Variants in CHD9 observed in about 807,000 individuals in gnomAD.
CHD9 encodes chromodomain helicase DNA binding protein 9.
CHD9 carries 77 observed loss-of-function variants against 316.1 expected under a neutral mutation model. The observed-to-expected ratio is 0.24, with a 90% CI of 0.20 to 0.29. The LOEUF (loss-of-function observed/expected upper bound fraction) is 0.29. Among genes scored for constraint, CHD9 ranks in the 10% least tolerant of loss-of-function variants. The pLI, the probability that CHD9 is intolerant of heterozygous loss-of-function variation, is 1.00. For missense variants in CHD9, 2,763 were observed against 3,438.1 expected, an observed-to-expected ratio of 0.80 and a Z score of 4.91; for synonymous variants, 1,129 against 1,158.3, an observed-to-expected ratio of 0.97 and a Z score of 0.51.
intron 1 of CHD9, among the ~76,000 whole-genome samples, chr16:53,136,518 A>T (rs1156929575): frequency 6.6e-6 from 1 of 151,550 alleles, no homozygotes; most frequent in African/African-American, 2.4e-5. Context: ...AGTCACTAAA[A>T]TTTTTTTCTT....
chr16:53,279,507 T>C (rs2153029048), intron 24 of CHD9, among the ~76,000 whole-genome samples: 1 of 152,258 alleles, frequency 6.6e-6, no homozygotes, highest in Admixed American at 6.5e-5. Flanking sequence ...ACTTGAAGTA[T>C]AATAATAAAA....
At chr16:53,115,479 T>C (rs1259159078) in intron 1 of CHD9, among the ~76,000 whole-genome samples, 1 of 152,284 alleles carries the variant, frequency 6.6e-6, no homozygotes, top group East Asian at 1.9e-4. Context: ...TATTAGGTTC[T>C]ATTATTTTGC....
chr16:53,323,988 A>G (rs1598032740), intron 38 of CHD9, 32 bp from the exon 39 acceptor site: 1 of 1,521,414 alleles, frequency 6.6e-7, no homozygotes, highest in East Asian at 2.3e-5. Flanking sequence ...ATTTTCATGT[A>G]GGGATTATTA....
At chr16:53,104,084 C>A (rs1307344144) in intron 1 of CHD9, among the ~76,000 whole-genome samples, 1 of 152,200 alleles carries the variant, frequency 6.6e-6, no homozygotes, top group African/African-American at 2.4e-5. Flanking sequence ...CTCCTCTTCC[C>A]TGGAGTTGGC....
intron 1 of CHD9, among the ~76,000 whole-genome samples, chr16:53,059,512 C>T (rs990334718): frequency 6.6e-6 from 1 of 152,140 alleles, no homozygotes; most frequent in South Asian, 2.1e-4. Context: ...ATGAATTCCT[C>T]TGTGAAAGAG....
At chr16:53,145,214 C>T (rs1226676534) in intron 1 of CHD9, among the ~76,000 whole-genome samples, 2 of 150,718 alleles carry the variant, frequency 1.3e-5, no homozygotes, top group African/African-American at 4.9e-5. Flanking sequence ...TGCAGTGGTG[C>T]GATCTCAGCT....
chr16:53,103,580 T>C (rs1440906407), intron 1 of CHD9, among the ~76,000 whole-genome samples: 1 of 152,194 alleles, frequency 6.6e-6, no homozygotes, highest in African/African-American at 2.4e-5. Context: ...CATTTTGCAG[T>C]GAGCAAACTG....
intron 37 of CHD9, chr16:53,321,129 T>C: frequency 1.3e-6 from 1 of 742,504 alleles, no homozygotes; most frequent in Non-Finnish European, 2.0e-6. Context: ...TAAAACCCTA[T>C]GAGGGAAGTA....
At chr16:53,110,276 G>A (rs2037760833) in intron 1 of CHD9, among the ~76,000 whole-genome samples, 1 of 152,106 alleles carries the variant, frequency 6.6e-6, no homozygotes, top group Non-Finnish European at 1.5e-5. Flanking sequence ...TTCAAACGAT[G>A]AGGTGAATGC....
intron 1 of CHD9, among the ~76,000 whole-genome samples, chr16:53,130,333 G>A (rs1027013327): frequency 6.6e-6 from 1 of 152,324 alleles, no homozygotes; most frequent in Non-Finnish European, 1.5e-5. Context: ...CCTTAAGAAG[G>A]ACGTCTTTGG....
intron 2 of CHD9, among the ~76,000 whole-genome samples, chr16:53,201,477 C>CTA (rs1190971234): frequency 7.9e-5 from 12 of 152,220 alleles, no homozygotes; most frequent in African/African-American, 2.9e-4. Flanking sequence ...AGCATGAAGT[C>CTA]TAGATATTTT....
At chr16:53,239,239 A>T (rs1597586859) in intron 12 of CHD9, among the ~76,000 whole-genome samples, 1 of 152,108 alleles carries the variant, frequency 6.6e-6, no homozygotes, top group East Asian at 1.9e-4. Context: ...AAATACATAG[A>T]TTGTAAAATA....
chr16:53,105,957 G>C (rs1367140618), intron 1 of CHD9, among the ~76,000 whole-genome samples: 1 of 151,926 alleles, frequency 6.6e-6, no homozygotes, highest in Non-Finnish European at 1.5e-5. Context: ...CAAGTAGCTG[G>C]GATTACAGGT....
intron 1 of CHD9, among the ~76,000 whole-genome samples, chr16:53,115,079 T>G (rs918897821): frequency 2.6e-5 from 4 of 152,248 alleles, no homozygotes; most frequent in African/African-American, 7.2e-5. Context: ...ACAGATTAAC[T>G]TAGGTTACTT....
chr16:53,204,691 T>C (rs1358419046), intron 2 of CHD9, among the ~76,000 whole-genome samples: 1 of 152,172 alleles, frequency 6.6e-6, no homozygotes, highest in Non-Finnish European at 1.5e-5. Context: ...TGAAATATGA[T>C]ATATAGAGTC....
At chr16:53,248,424 C>T (rs2049832408) in intron 16 of CHD9, among the ~76,000 whole-genome samples, 1 of 150,024 alleles carries the variant, frequency 6.7e-6, no homozygotes, top group Admixed American at 6.6e-5. Flanking sequence ...AGGATTCCAT[C>T]TGATAGTAAC....
At chr16:53,119,379 AAAAAC>A (rs2038565837) in intron 1 of CHD9, among the ~76,000 whole-genome samples, 1 of 152,138 alleles carries the variant, frequency 6.6e-6, no homozygotes, top group Non-Finnish European at 1.5e-5. Flanking sequence ...TATTTAAAAA[AAAAAC>A]AAAACAAGAT....
chr16:53,192,745 TTG>T (rs377112366), intron 2 of CHD9, among the ~76,000 whole-genome samples: 50 of 152,354 alleles, frequency 3.3e-4, no homozygotes, highest in African/African-American at 1.1e-3. Flanking sequence ...ATGCAGTATA[TTG>T]TGTTACTAGT....
intron 2 of CHD9, among the ~76,000 whole-genome samples, chr16:53,206,429 C>G (rs1220718900): frequency 6.6e-6 from 1 of 151,482 alleles, no homozygotes; most frequent in Admixed American, 6.6e-5. Flanking sequence ...TTACTACTTT[C>G]CTTTGTCCTC....
Sources: gnomAD v4.1 joint callset for allele counts (sites outside exome capture counted in the v4.1 genomes callset) on GRCh38, gnomAD v4.1.1 for gene constraint, MANE v1.5 for transcripts, NCBI Gene and HGNC (gene_info 2026-07-23, HGNC 2026-07-21) for gene names.